The following TMEM114 variants were observed in gnomAD, a reference collection of about 807,000 sequenced individuals.
TMEM114 encodes transmembrane protein 114.
Under a neutral mutation model 6.2 loss-of-function variants are expected in TMEM114, and 6 were observed. The observed-to-expected ratio is 0.97, with a 90% confidence interval of 0.53 to 1.91. The LOEUF (loss-of-function observed/expected upper bound fraction) is 1.91, where lower values mean the gene tolerates loss of function less well. Ranked by LOEUF, TMEM114 falls within the 40% of genes most tolerant of loss-of-function variation. The pLI is 0.01. For missense variants in TMEM114, 218 were observed against 158.3 expected, an observed-to-expected ratio of 1.38 and a Z score of -2.02; for synonymous variants, 104 against 73.0, an observed-to-expected ratio of 1.42 and a Z score of -2.16.
At chr16:8,553,695 A>G (rs1446789999) in intron 2 of TMEM114, among the ~76,000 whole-genome samples, 2 of 151,928 alleles carry the variant, frequency 1.3e-5, no homozygotes, top group Non-Finnish European at 2.9e-5. Context: ...GTTAGCCAGG[A>G]TGGTCTTGAT....
chr16:8,548,180 C>T (rs532451746), intron 2 of TMEM114, among the ~76,000 whole-genome samples: 3 of 152,258 alleles, frequency 2.0e-5, no homozygotes, highest in Admixed American at 1.3e-4. Flanking sequence ...ACGGTGGGAC[C>T]CTGACTGAGC....
At chr16:8,577,310 G>A (rs1293948951) in intron 2 of TMEM114, among the ~76,000 whole-genome samples, 1 of 152,188 alleles carries the variant, frequency 6.6e-6, no homozygotes, top group Non-Finnish European at 1.5e-5. Flanking sequence ...ATGATGTGGG[G>A]ACAGCTACTG....
At chr16:8,564,451 GAGTGAGTA>G (rs1901447147) in intron 2 of TMEM114, among the ~76,000 whole-genome samples, 1 of 148,668 alleles carries the variant, frequency 6.7e-6, no homozygotes, top group Admixed American at 6.6e-5. Context: ...GGGAATGAGT[GAGTGAGTA>G]AATGAGTGAG....
chr16:8,560,326 C>A (rs78658716), intron 2 of TMEM114, among the ~76,000 whole-genome samples: 2 of 151,934 alleles, frequency 1.3e-5, no homozygotes, highest in Admixed American at 1.3e-4. Context: ...GCATCCTTGA[C>A]CTCCCTGAGT....
intron 2 of TMEM114, among the ~76,000 whole-genome samples, chr16:8,562,524 G>C (rs1192527688): frequency 1.4e-5 from 2 of 140,128 alleles, no homozygotes; most frequent in Admixed American, 1.5e-4. Context: ...GAATGAGTGA[G>C]TTAATGAGTG....
downstream of TMEM114, among the ~76,000 whole-genome samples, chr16:8,567,111 G>C (rs532943580): frequency 6.7e-6 from 1 of 149,104 alleles, no homozygotes; most frequent in Non-Finnish European, 1.5e-5. Flanking sequence ...GTTTCACCAT[G>C]TTGGCCAGGC....
intron 2 of TMEM114, among the ~76,000 whole-genome samples, chr16:8,561,642 CAAGTGAGTGAAT>C (rs139630665): frequency 0.036 from 5,549 of 152,186 alleles, 139 homozygotes; most frequent in South Asian, 0.1. Flanking sequence ...ACTATATGAA[CAAGTGAGTGAAT>C]AAGTGAATGA....
At chr16:8,586,538 C>T (rs1902328342) in intron 2 of TMEM114, among the ~76,000 whole-genome samples, 2 of 150,750 alleles carry the variant, frequency 1.3e-5, no homozygotes, top group East Asian at 2.0e-4. Flanking sequence ...TTGAGAGAGT[C>T]TCACTCTGTT....
intron 2 of TMEM114, among the ~76,000 whole-genome samples, chr16:8,543,784 A>G (rs965452275): frequency 1.3e-5 from 2 of 152,174 alleles, no homozygotes; most frequent in Non-Finnish European, 2.9e-5. Context: ...CAAATTCCAC[A>G]CAATGTCTAG....
intron 2 of TMEM114, among the ~76,000 whole-genome samples, chr16:8,540,109 C>G (rs1900474082): frequency 6.6e-6 from 1 of 152,214 alleles, no homozygotes; most frequent in African/African-American, 2.4e-5. Context: ...CAGGCTTGAA[C>G]TGCTGTGCCG....
intron 2 of TMEM114, among the ~76,000 whole-genome samples, chr16:8,579,735 G>A (rs1902071197): frequency 6.6e-6 from 1 of 152,152 alleles, no homozygotes; most frequent in African/African-American, 2.4e-5. Flanking sequence ...TGTACCAGGT[G>A]GGAGTTTTTA....
At chr16:8,562,956 G>A (rs12919594) in intron 2 of TMEM114, among the ~76,000 whole-genome samples, 3,706 of 96,964 alleles carry the variant, frequency 0.038, 388 homozygotes, top group Non-Finnish European at 0.057. Context: ...AAATGAGTGA[G>A]TGAATGAGTG....
intron 2 of TMEM114, among the ~76,000 whole-genome samples, chr16:8,552,618 C>G (rs1480907473): frequency 6.6e-6 from 1 of 151,598 alleles, no homozygotes; most frequent in South Asian, 2.1e-4. Flanking sequence ...GATGTCACCA[C>G]TGGGGAAAGA....
At chr16:8,579,390 C>G (rs1233561472) in intron 2 of TMEM114, among the ~76,000 whole-genome samples, 1 of 152,180 alleles carries the variant, frequency 6.6e-6, no homozygotes, top group East Asian at 1.9e-4. Context: ...GACTTTGAGA[C>G]TTCTGGAAGA....
intron 2 of TMEM114, among the ~76,000 whole-genome samples, chr16:8,550,759 G>C: frequency 6.6e-6 from 1 of 150,746 alleles, no homozygotes; most frequent in East Asian, 1.9e-4. Context: ...CCAGCTCTTG[G>C]GGCTCTGAAT....
At chr16:8,528,521 T>C in the TMEM114 span, among the ~76,000 whole-genome samples, 1 of 151,778 alleles carries the variant, frequency 6.6e-6, no homozygotes, top group Non-Finnish European at 1.5e-5. Context: ...GAAGCCAGAG[T>C]TGAGGAGGGG....
chr16:8,570,084 G>A (rs1444005349), intron 3 of TMEM114, 79 bp from the exon 4 acceptor site: 24 of 1,482,100 alleles, frequency 1.6e-5, no homozygotes, highest in Non-Finnish European at 2.1e-5. Flanking sequence ...GCCCTGCCCA[G>A]CCACGCTGCT....
At chr16:8,542,852 G>A (rs1205963102) in intron 2 of TMEM114, among the ~76,000 whole-genome samples, 1 of 152,242 alleles carries the variant, frequency 6.6e-6, no homozygotes, top group South Asian at 2.1e-4. Flanking sequence ...CCAGAGTTTA[G>A]CAAACGTAGT....
intron 2 of TMEM114, among the ~76,000 whole-genome samples, chr16:8,551,089 T>C (rs1386122390): frequency 6.6e-6 from 1 of 152,200 alleles, no homozygotes; most frequent in Non-Finnish European, 1.5e-5. Flanking sequence ...GAGCTATGGG[T>C]CTCCCAGGAA....
Sources: allele counts gnomAD v4.1 joint callset (sites outside exome capture counted in the v4.1 genomes callset), GRCh38; gene constraint gnomAD v4.1.1; transcripts MANE v1.5; gene names NCBI Gene and HGNC (gene_info 2026-07-23, HGNC 2026-07-21).